DOCK8: variants seen among roughly 807,000 people sequenced by gnomAD.
The protein encoded by DOCK8 is dedicator of cytokinesis 8.
DOCK8 carries 141 observed loss-of-function variants against 245.6 expected under a neutral mutation model. The ratio of observed to expected loss-of-function variants is 0.57; its 90% CI spans 0.50 to 0.66. The LOEUF is 0.66. Among genes scored for constraint, DOCK8 ranks in the 30% least tolerant of loss-of-function variants. The pLI, the probability that DOCK8 is intolerant of heterozygous loss-of-function variation, is 0.00. For missense variants in DOCK8, 2,965 were observed against 2,603.4 expected, an observed-to-expected ratio of 1.14 and a Z score of -3.02; for synonymous variants, 1,168 against 970.2, an observed-to-expected ratio of 1.20 and a Z score of -3.79.
intron 24 of DOCK8, among the ~76,000 whole-genome samples, chr9:391,318 C>G (rs1449497165): frequency 1.3e-5 from 2 of 152,122 alleles, no homozygotes; most frequent in Non-Finnish European, 2.9e-5. Context: ...TAGTGGTTAT[C>G]ACAATTTCTA....
rs1161827169 is a variant in DOCK8 at position 464,171 on chromosome 9, C to T, written c.6252C>T (p.His2084=). The T allele has an allele frequency of 1.9e-6, 3 of 1,613,656 alleles. No homozygotes were observed. The highest frequency in any genetic ancestry group is 2.2e-5 in the East Asian group (1 of 44,894). Residue 2084 remains histidine, a synonymous_variant, in exon 48 of 48, where the codon CAC becomes CAT. Transcript: ENST00000432829. ...TTCTTAATTTCAGGGACTCCTTCCA[C>T]AGATCTAGTTTCAGGAAATGTGAAA... The part of the protein sequence containing the change: ...RVESQKRDSF[H]RSSFRKCETQ...
chr9:264,677 A>G (rs901947418), intron 1 of DOCK8, among the ~76,000 whole-genome samples: 4 of 152,050 alleles, frequency 2.6e-5, no homozygotes, highest in Admixed American at 2.6e-4. Flanking sequence ...GTAGATATAT[A>G]GATACATAAA....
intron 8 of DOCK8, 89 bp from the exon 9 acceptor site, chr9:327,933 T>G: frequency 7.7e-7 from 1 of 1,297,644 alleles, no homozygotes; most frequent in Non-Finnish European, 1.1e-6. Flanking sequence ...CAGCAAAATT[T>G]CTCTGTGGTG....
intron 7 of DOCK8, among the ~76,000 whole-genome samples, chr9:319,877 A>G (rs1404827617): frequency 6.6e-6 from 1 of 152,242 alleles, no homozygotes; most frequent in Non-Finnish European, 1.5e-5. Context: ...TATGAAAAGT[A>G]ATCTCAGCTC....
chr9:442,225 T>C (rs978699910), intron 42 of DOCK8, among the ~76,000 whole-genome samples: 1 of 152,262 alleles, frequency 6.6e-6, no homozygotes, highest in Non-Finnish European at 1.5e-5. Flanking sequence ...TAATACTCTG[T>C]GTATGCTTTT....
At chr9:382,386 AG>A in intron 21 of DOCK8, 126 bp from the exon 22 acceptor site, 2 of 1,302,878 alleles carry the variant, frequency 1.5e-6, no homozygotes, top group Non-Finnish European at 2.2e-6. Context: ...TTTGTTAAGA[AG>A]TCTCTAATTC....
In DOCK8 at chr9:247,338, TACG is replaced by T. The variant is rs754874302; in HGVS notation, c.54-24286_54-24284del. On this transcript the variant is annotated intron_variant, in intron 1 of 47. Transcript: ENST00000432829. ...TTCCACATTTCCTAAGTTAATCAAA[TACG>T]ACAAGTTAGTGAGCTTGTGGAATTT... is the stretch of plus-strand genomic sequence containing the variant. Among the ~76,000 whole-genome samples the T allele has an allele frequency of 5.8e-4, 89 of 152,328 alleles. 1 individual carries two copies. Among genetic ancestry groups the T allele is most frequent in the Non-Finnish European group, 1.1e-3 (72 of 68,030 alleles).
chr9:404,678 G>A (rs905418647), intron 26 of DOCK8, among the ~76,000 whole-genome samples: 2 of 152,114 alleles, frequency 1.3e-5, no homozygotes, highest in South Asian at 2.1e-4. Context: ...AGTGGAAATC[G>A]GGATAAGAAT....
intron 27 of DOCK8, among the ~76,000 whole-genome samples, chr9:406,377 C>T (rs2055416125): frequency 2.6e-5 from 4 of 151,266 alleles, no homozygotes; most frequent in African/African-American, 4.9e-5. Flanking sequence ...ATCCCAGCTA[C>T]TTGGGACGCT....
chr9:441,362 A>G lies in DOCK8; in HGVS notation c.5300A>G (p.Lys1767Arg), dbSNP rs1386208150. The change falls in exon 41 of 48, where the codon AAG becomes AGG. Residue 1767 changes from lysine (K) to arginine (R), a missense_variant. Lys to Arg is a conservative substitution (Grantham distance 26). This residue lies in a region of DOCK8 where 2,825 missense variants were observed against 2,453.5 expected (regional missense o/e 1.15). Coordinates refer to ENST00000432829, the MANE Select transcript of DOCK8 (RefSeq NM_203447.4). Reference protein sequence around the residue: ...PILEAHREFRKLTLTHSKLQR... With the variant: ...PILEAHREFRRLTLTHSKLQR... ...CTAGAAGCGCATCGAGAATTCCGGA[A>G]GCTGACACTCACTCACAGCAAGCTG... is the stretch of plus-strand genomic sequence containing the variant. The G allele has an allele frequency of 1.2e-6, 2 of 1,614,198 alleles. No homozygotes were observed. Among genetic ancestry groups the G allele is most frequent in the African/African-American group, 1.3e-5 (1 of 75,060 alleles).
chr9:329,926 C>T (rs1017674719), intron 9 of DOCK8, among the ~76,000 whole-genome samples: 8 of 152,236 alleles, frequency 5.3e-5, no homozygotes, highest in African/African-American at 1.7e-4. Context: ...AGCAAGACAG[C>T]CCCTGGTTGG....
At chr9:430,513 T>A (rs1242670204) in intron 36 of DOCK8, among the ~76,000 whole-genome samples, 2 of 151,694 alleles carry the variant, frequency 1.3e-5, no homozygotes, top group African/African-American at 4.8e-5. Flanking sequence ...GAAACCCCCG[T>A]CTCTACAATA....
chr9:256,442 G>A lies in DOCK8; in HGVS notation c.54-15185G>A, dbSNP rs549121222. On this transcript the variant is annotated intron_variant, in intron 1 of 47. Transcript: ENST00000432829. Reference sequence around the variant, plus strand: ...GCTTCAGCTTCTTTTTCTATAAAATGAGGGTAGTACTTATCCCATGAGGGA... The same window carrying A: ...GCTTCAGCTTCTTTTTCTATAAAATAAGGGTAGTACTTATCCCATGAGGGA... Among the ~76,000 whole-genome samples, 13 of 152,310 alleles carry A rather than the reference G, an allele frequency of 8.5e-5. No homozygotes were observed. The East Asian group carries it at 2.5e-3, about 29-fold the overall frequency.
chr9:451,440 T>G (rs2057433430), intron 45 of DOCK8, among the ~76,000 whole-genome samples: 1 of 152,090 alleles, frequency 6.6e-6, no homozygotes, highest in Non-Finnish European at 1.5e-5. Context: ...CTGGGCAATG[T>G]GGCAAAATCC....
intron 4 of DOCK8, among the ~76,000 whole-genome samples, chr9:303,029 C>T (rs537082989): frequency 6.6e-6 from 1 of 151,636 alleles, no homozygotes; most frequent in East Asian, 1.9e-4. Flanking sequence ...GGTATGGTGG[C>T]GTGTACCTAT....
Position 396,948 on chromosome 9 carries a change from A to T in DOCK8, c.3120+14A>T. The T allele has an allele frequency of 6.2e-7, 1 of 1,612,728 alleles. No individual in the cohort carries two copies. The highest frequency in any genetic ancestry group is 8.5e-7 in the Non-Finnish European group (1 of 1,178,898). On this transcript the variant is annotated intron_variant, in intron 25 of 47. Transcript: ENST00000432829. ...AAACCACAGAAGGTAACTGTATTTT[A>T]CTCTTTATTTTCTAAATTGTTTACC...
chr9:440,864 G>T (rs975015420), intron 40 of DOCK8, among the ~76,000 whole-genome samples: 1 of 152,154 alleles, frequency 6.6e-6, no homozygotes, highest in Non-Finnish European at 1.5e-5. Flanking sequence ...CGCCCAAGTA[G>T]CTGAGGCTAC....
rs780173202 is a variant in DOCK8 at position 325,689 on chromosome 9, G to A, written c.846G>A (p.Glu282=). 6 of 1,614,028 alleles carry A rather than the reference G, an allele frequency of 3.7e-6. No homozygotes were observed. Among genetic ancestry groups the A allele is most frequent in the South Asian group, 3.3e-5 (3 of 91,080 alleles). Reference sequence around the variant, plus strand: ...ATGGTAGGTTCGAGATTGAAATTGAGCCCCTGTTTGCCAGCATTGCCCTCT... The same window carrying A: ...ATGGTAGGTTCGAGATTGAAATTGAACCCCTGTTTGCCAGCATTGCCCTCT... ...LLTLKFEIEI[E]PLFASIALYD... Residue 282 remains glutamate, a synonymous_variant, in exon 8 of 48, where the codon GAG becomes GAA. Coordinates refer to ENST00000432829, the MANE Select transcript of DOCK8 (RefSeq NM_203447.4).
chr9:400,802 TCCACCATCACCA>T (rs2054947410), intron 26 of DOCK8, among the ~76,000 whole-genome samples: 3 of 36,660 alleles, frequency 8.2e-5, no homozygotes, highest in Non-Finnish European at 1.2e-4. Context: ...CACCACCACC[TCCACCATCACCA>T]CCACCTCCAC....
Sources: allele counts gnomAD v4.1 joint callset (sites outside exome capture counted in the v4.1 genomes callset), GRCh38; gene constraint gnomAD v4.1.1; regional missense constraint gnomAD v4.1.1; transcripts MANE v1.5; gene names NCBI Gene and HGNC (gene_info 2026-07-23, HGNC 2026-07-21).